AUTS2: variants seen among roughly 807,000 people sequenced by gnomAD.
The protein encoded by AUTS2 is autism susceptibility gene 2 protein.
AUTS2 carries 17 observed loss-of-function variants against 112.4 expected under a neutral mutation model. That is an observed-to-expected ratio of 0.15 (90% CI 0.10 to 0.23). The LOEUF is 0.23. Ranked by LOEUF, AUTS2 falls within the 10% of genes least tolerant of loss-of-function variation. The pLI is 1.00. For missense variants in AUTS2, 1,510 were observed against 1,701.6 expected (o/e 0.89, Z 1.98); for synonymous variants, 751 against 702.7 (o/e 1.07, Z -1.09).
At chr7:70,377,609 C>T (rs1401830191) in intron 4 of AUTS2, among the ~76,000 whole-genome samples, 3 of 151,510 alleles carry the variant, frequency 2.0e-5, no homozygotes, top group African/African-American at 7.3e-5. Flanking sequence ...AACTGAAACT[C>T]CATGTTCATT....
At chr7:70,034,750 C>T (rs1466390743) in intron 2 of AUTS2, among the ~76,000 whole-genome samples, 3 of 152,062 alleles carry the variant, frequency 2.0e-5, no homozygotes, top group South Asian at 2.1e-4. Context: ...TTGTTATGAC[C>T]GTGTTAAGGT....
At chr7:69,964,930 C>T (rs1484035973) in intron 2 of AUTS2, among the ~76,000 whole-genome samples, 1 of 152,040 alleles carries the variant, frequency 6.6e-6, no homozygotes, top group Non-Finnish European at 1.5e-5. Context: ...GCTTGCAGTA[C>T]TTGAGTAATC....
intron 1 of AUTS2, among the ~76,000 whole-genome samples, chr7:69,641,405 C>G (rs1226348548): frequency 6.7e-6 from 1 of 150,282 alleles, no homozygotes; most frequent in Non-Finnish European, 1.5e-5. Context: ...GCCTGCAGAG[C>G]CTTGCTTACA....
chr7:70,488,642 C>T (rs1798113557), intron 5 of AUTS2, among the ~76,000 whole-genome samples: 1 of 152,114 alleles, frequency 6.6e-6, no homozygotes, highest in South Asian at 2.1e-4. Flanking sequence ...CTCACTTTTC[C>T]TCATGGGCCA....
Position 70,122,841 on chromosome 7 carries a change from A to C in AUTS2, c.624+4608A>C, listed in dbSNP as rs962985864. Among the ~76,000 whole-genome samples, 11 of 149,544 alleles carry C rather than the reference A, an allele frequency of 7.4e-5. No individual in the cohort carries two copies. In the East Asian group the frequency reaches 2.2e-3, roughly 29 times the overall value. ...GAGTCCTGTGTCAAGCACTATGGCA[A>C]TCTGAAATCTGCTGAGATGAAAGCT... On this transcript the variant is annotated intron_variant, in intron 3 of 18. Coordinates refer to ENST00000342771, the MANE Select transcript of AUTS2 (RefSeq NM_015570.4).
chr7:70,596,716 G>C (rs1379653751), intron 5 of AUTS2: 1 of 152,290 alleles, frequency 6.6e-6, no homozygotes, highest in Admixed American at 6.5e-5. Context: ...AGCACCAGCA[G>C]CCAACCCTGG....
intron 4 of AUTS2, among the ~76,000 whole-genome samples, chr7:70,239,375 C>T (rs182367659): frequency 3.0e-4 from 45 of 152,192 alleles, no homozygotes; most frequent in African/African-American, 1.0e-3. Flanking sequence ...TTTTTAACCC[C>T]TTCTACCTTT....
chr7:70,530,916 C>T (rs1194800770), intron 5 of AUTS2, among the ~76,000 whole-genome samples: 2 of 152,172 alleles, frequency 1.3e-5, no homozygotes, highest in African/African-American at 4.8e-5. Context: ...GGAAGCATTA[C>T]TTGAGGGCAT....
At chr7:70,759,598 G>A (rs1789428167) in intron 6 of AUTS2, among the ~76,000 whole-genome samples, 1 of 152,200 alleles carries the variant, frequency 6.6e-6, no homozygotes, top group African/African-American at 2.4e-5. Flanking sequence ...GACGGCCACA[G>A]CCTTGGCACC....
chr7:69,908,017 A>T (rs1289997855), intron 2 of AUTS2, among the ~76,000 whole-genome samples: 1 of 152,220 alleles, frequency 6.6e-6, no homozygotes, highest in East Asian at 1.9e-4. Context: ...TGTGCTGAAC[A>T]AGGAATGACC....
At chr7:70,169,419 T>C (rs1808555584) in intron 4 of AUTS2, among the ~76,000 whole-genome samples, 1 of 152,058 alleles carries the variant, frequency 6.6e-6, no homozygotes, top group Admixed American at 6.5e-5. Flanking sequence ...TTTTTTGTAT[T>C]TTTAGTAGAG....
intron 1 of AUTS2, among the ~76,000 whole-genome samples, chr7:69,659,610 G>A (rs1795700949): frequency 9.9e-6 from 1 of 101,100 alleles, no homozygotes; most frequent in Admixed American, 1.4e-4. Context: ...TTTTTGAGAT[G>A]GCATCTTGCT....
intron 5 of AUTS2, among the ~76,000 whole-genome samples, chr7:70,483,113 G>A (rs1797854302): frequency 6.6e-6 from 1 of 152,098 alleles, no homozygotes; most frequent in East Asian, 1.9e-4. Flanking sequence ...GAACAGATGG[G>A]CACATCACCT....
At chr7:70,512,778 C>G (rs1585238415) in intron 5 of AUTS2, among the ~76,000 whole-genome samples, 2 of 151,792 alleles carry the variant, frequency 1.3e-5, no homozygotes, top group African/African-American at 4.8e-5. Flanking sequence ...GCAGAAGTGT[C>G]ACCAGAGGAA....
At chr7:70,708,784 A>C (rs547204491) in intron 6 of AUTS2, among the ~76,000 whole-genome samples, 18 of 152,280 alleles carry the variant, frequency 1.2e-4, no homozygotes, top group Admixed American at 6.5e-5. Flanking sequence ...CATTTTAAAA[A>C]TTGATGCTAT....
chr7:69,674,117 C>T lies in AUTS2; in HGVS notation c.309+74155C>T, dbSNP rs78497389. On this transcript the variant is annotated intron_variant, in intron 1 of 18. Transcript: ENST00000342771. Reference sequence around the variant, plus strand: ...TTCCCACTGTGTCTGGGACAAGCCTCCCAGTGTGTCTGGGACAAGCCTGAA... The same window carrying T: ...TTCCCACTGTGTCTGGGACAAGCCTTCCAGTGTGTCTGGGACAAGCCTGAA... 6.6e-3 allele frequency among the ~76,000 whole-genome samples: 1,000 copies of T among 152,274 alleles called. 6 individuals carry two copies. Among genetic ancestry groups the T allele is most frequent in the Non-Finnish European group, 0.012 (798 of 67,992 alleles).
At chr7:69,829,326 G>A (rs1451579886) in intron 1 of AUTS2, among the ~76,000 whole-genome samples, 1 of 152,140 alleles carries the variant, frequency 6.6e-6, no homozygotes, top group East Asian at 1.9e-4. Flanking sequence ...CAGGACATAG[G>A]CATGGGGCAA....
intron 2 of AUTS2, among the ~76,000 whole-genome samples, chr7:70,008,678 C>T (rs1318252850): frequency 6.6e-6 from 1 of 152,062 alleles, no homozygotes; most frequent in Non-Finnish European, 1.5e-5. Context: ...TAAATGCTGT[C>T]AGGAAAATTA....
intron 4 of AUTS2, among the ~76,000 whole-genome samples, chr7:70,280,143 A>G (rs1198290067): frequency 6.6e-6 from 1 of 152,204 alleles, no homozygotes; most frequent in African/African-American, 2.4e-5. Flanking sequence ...TAAGGGCTCA[A>G]TAAATAGTAG....
Sources: allele counts gnomAD v4.1 joint callset (sites outside exome capture counted in the v4.1 genomes callset), GRCh38; gene constraint gnomAD v4.1.1; transcripts MANE v1.5; gene names NCBI Gene and HGNC (gene_info 2026-07-23, HGNC 2026-07-21).